Variants in PPARGC1A observed in about 807,000 individuals in gnomAD.
PPARGC1A encodes peroxisome proliferator-activated receptor gamma coactivator 1-alpha.
In PPARGC1A, 25 loss-of-function variants were observed where a neutral mutation model predicts 88.7. The observed-to-expected ratio is 0.28, with a 90% confidence interval of 0.21 to 0.39. The LOEUF (loss-of-function observed/expected upper bound fraction) is 0.39. Among genes scored for constraint, PPARGC1A ranks in the 10% least tolerant of loss-of-function variants. The pLI, the probability that PPARGC1A is intolerant of heterozygous loss-of-function variation, is 1.00. For synonymous variants in PPARGC1A, 363 were observed against 355.6 expected (o/e 1.02, Z -0.24); for missense variants, 880 against 968.7 (o/e 0.91, Z 1.22).
At chr4:24,285,757 A>G in the PPARGC1A span, among the ~76,000 whole-genome samples, 2 of 152,216 alleles carry the variant, frequency 1.3e-5, no homozygotes, top group East Asian at 3.9e-4. Context: ...GTGCTCAACC[A>G]TTTCTCTGCA....
At chr4:23,858,200 C>A (rs1730552288) in intron 2 of PPARGC1A, among the ~76,000 whole-genome samples, 1 of 151,992 alleles carries the variant, frequency 6.6e-6, no homozygotes, top group Admixed American at 6.6e-5. Flanking sequence ...CCCTCTATTC[C>A]AGGCACTATA....
the PPARGC1A span, among the ~76,000 whole-genome samples, chr4:24,358,481 C>A: frequency 6.6e-6 from 1 of 152,180 alleles, no homozygotes; most frequent in African/African-American, 2.4e-5. Flanking sequence ...TTTGTTAACT[C>A]TCTTAACCAC....
intron 2 of PPARGC1A, among the ~76,000 whole-genome samples, chr4:23,866,585 C>G (rs984640516): frequency 6.6e-6 from 1 of 152,172 alleles, no homozygotes; most frequent in African/African-American, 2.4e-5. Context: ...GAAAATCAGA[C>G]AGCTTATTGG....
At chr4:24,299,940 T>A in the PPARGC1A span, among the ~76,000 whole-genome samples, 2 of 152,250 alleles carry the variant, frequency 1.3e-5, no homozygotes, top group African/African-American at 4.8e-5. Context: ...GATCATAGTC[T>A]GCATCAGAAA....
At chr4:23,860,991 A>C (rs1045963865) in intron 2 of PPARGC1A, among the ~76,000 whole-genome samples, 6 of 152,206 alleles carry the variant, frequency 3.9e-5, no homozygotes, top group African/African-American at 1.4e-4. Flanking sequence ...ATCTTCATCC[A>C]ATCAGCAGTA....
At chr4:24,167,843 C>A in the PPARGC1A span, among the ~76,000 whole-genome samples, 1 of 152,114 alleles carries the variant, frequency 6.6e-6, no homozygotes, top group Non-Finnish European at 1.5e-5. Context: ...AACCTCCACC[C>A]CCTGGGCTCA....
At chr4:24,087,220 C>A in the PPARGC1A span, among the ~76,000 whole-genome samples, 46 of 152,300 alleles carry the variant, frequency 3.0e-4, no homozygotes, top group African/African-American at 1.1e-3. Flanking sequence ...TTGGGCCAAT[C>A]TCTTATTCTC....
intron 2 of PPARGC1A, among the ~76,000 whole-genome samples, chr4:23,848,477 G>A (rs1024888653): frequency 2.0e-5 from 3 of 152,122 alleles, no homozygotes; most frequent in African/African-American, 4.8e-5. Flanking sequence ...CTGTTTGTGA[G>A]GATAATGTTA....
At chr4:24,329,258 C>T in the PPARGC1A span, among the ~76,000 whole-genome samples, 1 of 145,368 alleles carries the variant, frequency 6.9e-6, no homozygotes, top group East Asian at 2.0e-4. Flanking sequence ...TCTCTTTAAG[C>T]TTTTTTTTTT....
chr4:23,939,469 T>C, the PPARGC1A span, among the ~76,000 whole-genome samples: 1 of 152,230 alleles, frequency 6.6e-6, no homozygotes, highest in Non-Finnish European at 1.5e-5. Flanking sequence ...ATCTTTTATT[T>C]CAATATATTT....
rs531101196 is a variant in PPARGC1A at position 23,794,093 on chromosome 4, A to G, written c.*1729T>C. ...CTTCAAAGATAGTCTTCAGACACAC[A>G]TTAATTATTGTAAAAATCATACTAT... On this transcript the variant is annotated 3_prime_UTR_variant, in exon 13 of 13. Coordinates refer to ENST00000264867, the MANE Select transcript of PPARGC1A (RefSeq NM_013261.5). 3 of 152,752 alleles carry G rather than the reference A, an allele frequency of 2.0e-5. No homozygotes were observed. The South Asian group carries it at 6.2e-4, about 32-fold the overall frequency. The allele number at this position is 152,752 out of a possible 1,614,324, so 9.5% of individuals were successfully genotyped here.
intron 7 of PPARGC1A, among the ~76,000 whole-genome samples, chr4:23,817,501 T>C (rs1249576218): frequency 2.0e-5 from 3 of 152,146 alleles, no homozygotes; most frequent in Non-Finnish European, 4.4e-5. Flanking sequence ...AGCGCTTCTT[T>C]AAAATTTGAC....
At chr4:24,464,011 A>G in the PPARGC1A span, among the ~76,000 whole-genome samples, 1 of 152,156 alleles carries the variant, frequency 6.6e-6, no homozygotes, top group East Asian at 1.9e-4. Flanking sequence ...CCTATTATTC[A>G]GAAAGGGTTA....
the PPARGC1A span, among the ~76,000 whole-genome samples, chr4:24,069,576 C>G: frequency 2.0e-5 from 3 of 152,188 alleles, no homozygotes; most frequent in Non-Finnish European, 4.4e-5. Flanking sequence ...CTGCATGTTA[C>G]TTAGGCCAGT....
the PPARGC1A span, among the ~76,000 whole-genome samples, chr4:24,020,852 C>T: frequency 3.9e-5 from 6 of 152,168 alleles, no homozygotes; most frequent in Non-Finnish European, 7.3e-5. Context: ...TACTTTTCTT[C>T]GTGAAATACC....
At chr4:23,998,302 C>A in the PPARGC1A span, among the ~76,000 whole-genome samples, 1 of 152,092 alleles carries the variant, frequency 6.6e-6, no homozygotes, top group East Asian at 1.9e-4. Flanking sequence ...ACATATGTGT[C>A]TTTTTAAGAT....
At chr4:23,837,090 G>A (rs2148584216) in intron 2 of PPARGC1A, among the ~76,000 whole-genome samples, 1 of 152,262 alleles carries the variant, frequency 6.6e-6, no homozygotes, top group Middle Eastern at 3.4e-3. Flanking sequence ...ATCTCTGTTT[G>A]ATAAAAATAG....
chr4:23,834,488 C>CA (rs11355768), intron 2 of PPARGC1A, among the ~76,000 whole-genome samples: 315 of 144,288 alleles, frequency 2.2e-3, no homozygotes, highest in African/African-American at 6.6e-3. Context: ...GACTCTGTCT[C>CA]AAAAAAAAAA....
chr4:24,194,618 GCGCA>G, the PPARGC1A span, among the ~76,000 whole-genome samples: 1,393 of 27,536 alleles, frequency 0.051, 15 homozygotes, highest in African/African-American at 0.13. Flanking sequence ...ACACACGCGC[GCGCA>G]CGCGCGCGCA....
Sources: gnomAD v4.1 joint callset for allele counts (sites outside exome capture counted in the v4.1 genomes callset) on GRCh38, gnomAD v4.1.1 for gene constraint, MANE v1.5 for transcripts, NCBI Gene and HGNC (gene_info 2026-07-23, HGNC 2026-07-21) for gene names.